The following CMC1 variants were observed in gnomAD, a reference collection of about 807,000 sequenced individuals.
CMC1 encodes COX assembly mitochondrial protein homolog.
A neutral mutation model predicts 14.1 loss-of-function variants in CMC1; 14 were observed. The ratio of observed to expected loss-of-function variants is 0.99; its 90% CI spans 0.66 to 1.55. The LOEUF (loss-of-function observed/expected upper bound fraction) is 1.55, where lower values mean the gene tolerates loss of function less well. Among genes scored for constraint, CMC1 ranks in the 40% most tolerant of loss-of-function variants. The pLI is 0.00. For missense variants in CMC1, 127 were observed against 123.8 expected (o/e 1.03, Z -0.12); for synonymous variants, 50 against 38.4 (o/e 1.30, Z -1.12).
chr3:28,279,467 T>C (rs2125513423), intron 2 of CMC1, among the ~76,000 whole-genome samples: 1 of 152,202 alleles, frequency 6.6e-6, no homozygotes, highest in South Asian at 2.1e-4. Flanking sequence ...CATGAACCAT[T>C]CTGAAAAGAA....
At chr3:28,258,521 C>T (rs1699546664) in intron 1 of CMC1, among the ~76,000 whole-genome samples, 1 of 149,986 alleles carries the variant, frequency 6.7e-6, no homozygotes, top group Non-Finnish European at 1.5e-5. Flanking sequence ...TACGGTTCTG[C>T]CACCATTTGT....
chr3:28,324,359 G>C lies in CMC1; in HGVS notation c.*4730G>C. On this transcript the variant is annotated 3_prime_UTR_variant, in exon 4 of 4. Transcript: ENST00000466830. ...CAAAGAGCTTTGCCATTTGGTAAGA[G>C]AGGGGGATGTCTTGTGTATGTTGCA... 6.3e-7 allele frequency: 1 copy of C among 1,595,322 alleles called. No homozygotes were observed. The highest frequency in any genetic ancestry group is 8.5e-7 in the Non-Finnish European group (1 of 1,170,006).
Position 28,319,674 on chromosome 3 carries a change from T to G in CMC1, c.*45T>G. 6.5e-7 allele frequency: 1 copy of G among 1,535,458 alleles called. No individual in the cohort carries two copies. Among genetic ancestry groups the G allele is most frequent in the Non-Finnish European group, 8.8e-7 (1 of 1,135,622 alleles). On this transcript the variant is annotated 3_prime_UTR_variant, in exon 4 of 4. Coordinates refer to ENST00000466830, the MANE Select transcript of CMC1 (RefSeq NM_182523.2). The stretch of plus-strand genomic sequence containing the variant: ...TCAGGAACTCTAATATTCATGGAAG[T>G]CATTTTATAGTCCTTAAATAATGGA...
intron 2 of CMC1, among the ~76,000 whole-genome samples, chr3:28,282,636 T>C (rs892843239): frequency 2.6e-5 from 4 of 152,226 alleles, no homozygotes; most frequent in African/African-American, 9.6e-5. Context: ...TGTGCTTACA[T>C]AATCTGAAAG....
chr3:28,255,712 T>TAC (rs1269874675), intron 1 of CMC1, among the ~76,000 whole-genome samples: 1 of 129,268 alleles, frequency 7.7e-6, no homozygotes, highest in Non-Finnish European at 1.6e-5. Context: ...TGTATATATA[T>TAC]ACATGTACAT....
intron 1 of CMC1, among the ~76,000 whole-genome samples, chr3:28,250,477 T>G (rs1171200619): frequency 6.6e-6 from 1 of 152,222 alleles, no homozygotes; most frequent in African/African-American, 2.4e-5. Flanking sequence ...CTTTGAGCTT[T>G]CTGAGTCTTA....
intron 2 of CMC1, among the ~76,000 whole-genome samples, chr3:28,284,669 A>G (rs527244119): frequency 1.3e-5 from 2 of 152,062 alleles, no homozygotes; most frequent in South Asian, 2.1e-4. Context: ...TACATAATTT[A>G]TTATCTAAAG....
chr3:28,289,611 G>A (rs958446972), intron 2 of CMC1, among the ~76,000 whole-genome samples: 3 of 152,038 alleles, frequency 2.0e-5, no homozygotes, highest in Non-Finnish European at 4.4e-5. Flanking sequence ...TGTGATCTCA[G>A]AAACTTAACG....
At chr3:28,271,378 A>G (rs1700277499) in intron 2 of CMC1, among the ~76,000 whole-genome samples, 2 of 152,144 alleles carry the variant, frequency 1.3e-5, no homozygotes, top group South Asian at 4.1e-4. Context: ...TAATTTTTGT[A>G]TAAGGTGTAA....
rs75548728 is a variant in CMC1, at chr3:28,312,532, T to C, written c.110-3801T>C. Reference sequence around the variant, plus strand: ...CTATTTCTAGTTCAATGCACAGTTGTCATATTTATCCTTTGCTCAATTAAG... The same window carrying C: ...CTATTTCTAGTTCAATGCACAGTTGCCATATTTATCCTTTGCTCAATTAAG... On this transcript the variant is annotated intron_variant, in intron 2 of 3. Transcript: ENST00000466830. Among the ~76,000 whole-genome samples the C allele has an allele frequency of 1.6e-3, 239 of 152,350 alleles. 3 individuals are homozygous for C. Among genetic ancestry groups the C allele is most frequent in the African/African-American group, 5.7e-3 (235 of 41,588 alleles).
chr3:28,275,333 T>A (rs1457521019), intron 2 of CMC1, among the ~76,000 whole-genome samples: 6 of 145,444 alleles, frequency 4.1e-5, no homozygotes, highest in African/African-American at 1.3e-4. Context: ...TGTTTGTTTT[T>A]TTTTTTTCTT....
chr3:28,306,113 G>T (rs1702293446), intron 2 of CMC1, among the ~76,000 whole-genome samples: 1 of 151,940 alleles, frequency 6.6e-6, no homozygotes, highest in Admixed American at 6.6e-5. Context: ...TTAAAGTTGG[G>T]TAATGTGATG....
At position 28,321,175 on chromosome 3, in the gene CMC1, G is replaced by C. The variant is rs1703175179; in HGVS notation, c.*1546G>C. The C allele has an allele frequency of 6.6e-6, 1 of 151,356 alleles. No individual in the cohort carries two copies. Among genetic ancestry groups the C allele is most frequent in the Admixed American group, 6.6e-5 (1 of 15,120 alleles). The allele number at this position is 151,356 out of a possible 1,614,324, so 9.4% of individuals were successfully genotyped here. ...AGCAGACAAAAGCAAAGCAAATATA[G>C]AAATCTAGAGACCACACAGCATAGG... is the stretch of plus-strand genomic sequence containing the variant. On this transcript the variant is annotated 3_prime_UTR_variant, in exon 4 of 4. Coordinates refer to ENST00000466830, the MANE Select transcript of CMC1 (RefSeq NM_182523.2).
chr3:28,293,959 A>G (rs777703515), intron 2 of CMC1, among the ~76,000 whole-genome samples: 13 of 152,148 alleles, frequency 8.5e-5, no homozygotes, highest in Non-Finnish European at 1.9e-4. Flanking sequence ...AAGACCTTTT[A>G]TATTTTACAT....
intron 1 of CMC1, among the ~76,000 whole-genome samples, chr3:28,259,027 A>G (rs974340567): frequency 8.5e-5 from 13 of 152,188 alleles, no homozygotes; most frequent in Admixed American, 5.9e-4. Context: ...TATGACTTGT[A>G]ATCGGGTAGT....
intron 1 of CMC1, 102 bp downstream of exon 1, chr3:28,241,914 G>T: frequency 8.9e-7 from 1 of 1,128,856 alleles, no homozygotes. Context: ...GCAGAGCTCT[G>T]GGTAGCATTG....
At chr3:28,301,803 G>GA (rs1283685839) in intron 2 of CMC1, among the ~76,000 whole-genome samples, 1 of 151,962 alleles carries the variant, frequency 6.6e-6, no homozygotes, top group Non-Finnish European at 1.5e-5. Flanking sequence ...CAGGAGAAGA[G>GA]AAAAAAATAT....
At chr3:28,309,386 A>G (rs556692671) in intron 2 of CMC1, among the ~76,000 whole-genome samples, 20 of 152,184 alleles carry the variant, frequency 1.3e-4, no homozygotes, top group African/African-American at 4.8e-4. Context: ...GTTATGTAAA[A>G]CAGTGCTTTT....
chr3:28,265,820 T>TA (rs900347959), intron 2 of CMC1, among the ~76,000 whole-genome samples: 1 of 152,222 alleles, frequency 6.6e-6, no homozygotes, highest in Non-Finnish European at 1.5e-5. Flanking sequence ...AGCATTTAAC[T>TA]AAGAGTTTGG....
Sources: gnomAD v4.1 joint callset for allele counts (sites outside exome capture counted in the v4.1 genomes callset) on GRCh38, gnomAD v4.1.1 for gene constraint, MANE v1.5 for transcripts, NCBI Gene and HGNC (gene_info 2026-07-23, HGNC 2026-07-21) for gene names.